The following IDNK variants were observed in gnomAD, a reference collection of about 807,000 sequenced individuals.
IDNK encodes the protein gluconokinase.
IDNK carries 9 observed loss-of-function variants against 13.0 expected under a neutral mutation model. The ratio of observed to expected loss-of-function variants is 0.69; its 90% CI spans 0.42 to 1.21. IDNK has a LOEUF of 1.21. Among genes scored for constraint, IDNK ranks in the 50% most tolerant of loss-of-function variants. The pLI is 0.00. For missense variants in IDNK, 210 were observed against 237.8 expected (o/e 0.88, Z 0.77); for synonymous variants, 92 against 94.9 (o/e 0.97, Z 0.18).
chr9:83,634,497 C>T (rs1416819431), intron 3 of IDNK, among the ~76,000 whole-genome samples: 1 of 152,172 alleles, frequency 6.6e-6, no homozygotes, highest in East Asian at 1.9e-4. Context: ...TTTCTTTGTA[C>T]ACAAGATAGA....
intron 3 of IDNK, among the ~76,000 whole-genome samples, chr9:83,635,092 T>A (rs1216508062): frequency 6.6e-6 from 1 of 152,080 alleles, no homozygotes; most frequent in Admixed American, 6.6e-5. Flanking sequence ...TGACAAGGGG[T>A]GCACCTTGGA....
chr9:83,632,180 A>G (rs999992070), intron 3 of IDNK, among the ~76,000 whole-genome samples: 2 of 147,074 alleles, frequency 1.4e-5, no homozygotes, highest in Admixed American at 6.7e-5. Flanking sequence ...TGCATCAGGT[A>G]AAACACACCC....
intron 3 of IDNK, among the ~76,000 whole-genome samples, chr9:83,633,640 A>C (rs1435689733): frequency 6.6e-6 from 1 of 152,228 alleles, no homozygotes; most frequent in Non-Finnish European, 1.5e-5. Flanking sequence ...TTCAACTGTT[A>C]AATCAACCAA....
intron 1 of IDNK, 178 bp downstream of exon 1, chr9:83,623,399 T>C (rs996011632): frequency 3.1e-6 from 2 of 636,286 alleles, no homozygotes; most frequent in Admixed American, 3.1e-5. Context: ...TCCAGCCTGC[T>C]CGCGGGGCGC....
chr9:83,628,647 T>C (rs1188266114), intron 2 of IDNK, among the ~76,000 whole-genome samples: 1 of 136,858 alleles, frequency 7.3e-6, no homozygotes, highest in Non-Finnish European at 1.6e-5. Context: ...TGAGACTACA[T>C]TTCAAAAAAA....
chr9:83,634,421 T>A (rs886795195), intron 3 of IDNK, among the ~76,000 whole-genome samples: 3 of 152,230 alleles, frequency 2.0e-5, no homozygotes, highest in African/African-American at 7.2e-5. Context: ...GCTTTATTAT[T>A]GACTAAAGCA....
chr9:83,623,330 C>A, intron 1 of IDNK, 109 bp downstream of exon 1: 1 of 1,043,830 alleles, frequency 9.6e-7, no homozygotes, highest in South Asian at 1.8e-5. Context: ...GGACCCCCCA[C>A]CCTTCCCTTT....
intron 1 of IDNK, among the ~76,000 whole-genome samples, chr9:83,624,223 T>G (rs751738825): frequency 6.6e-6 from 1 of 152,194 alleles, no homozygotes; most frequent in Non-Finnish European, 1.5e-5. Context: ...GTAAAATCAT[T>G]GCCATGGTGT....
chr9:83,626,720 T>G, intron 1 of IDNK: 1 of 1,262,464 alleles, frequency 7.9e-7, no homozygotes, highest in African/African-American at 1.5e-5. Flanking sequence ...TCAACCTAAC[T>G]TGGTCTTAAG....
Position 83,623,786 on chromosome 9 carries a change from G to T in IDNK, c.50+565G>T, listed in dbSNP as rs147428728. 7.8e-4 allele frequency among the ~76,000 whole-genome samples: 119 copies of T among 152,362 alleles called. 1 individual carries two copies. In the East Asian group the frequency reaches 0.018, roughly 23 times the overall value. Reference sequence around the variant, plus strand: ...TTAATATGGAGGGTGGCTCCTGAGGGTTTGGAAAGAAAGAAGAGAATTGTG... The same window carrying T: ...TTAATATGGAGGGTGGCTCCTGAGGTTTTGGAAAGAAAGAAGAGAATTGTG... On this transcript the variant is annotated intron_variant, in intron 1 of 4. Coordinates refer to ENST00000376419, the MANE Select transcript of IDNK (RefSeq NM_001001551.4).
At chr9:83,623,139 C>G, upstream of IDNK, 1 of 1,407,080 alleles carries the variant, frequency 7.1e-7, no homozygotes, top group Non-Finnish European at 9.2e-7. Context: ...CGGCGGGGCC[C>G]GGAAGGCGAC....
intron 3 of IDNK, among the ~76,000 whole-genome samples, chr9:83,640,943 G>GT (rs896020995): frequency 6.6e-5 from 10 of 152,026 alleles, no homozygotes; most frequent in Admixed American, 3.3e-4. Context: ...ATAATAGAAA[G>GT]TTTTTTTTGT....
At chr9:83,640,463 C>T (rs1470209097) in intron 3 of IDNK, among the ~76,000 whole-genome samples, 2 of 152,162 alleles carry the variant, frequency 1.3e-5, no homozygotes, top group Admixed American at 1.3e-4. Flanking sequence ...CTGGAATCAG[C>T]TTCAAAATAA....
chr9:83,640,563 C>T lies in IDNK; in HGVS notation c.169-985C>T, dbSNP rs138491899. Among the ~76,000 whole-genome samples the T allele has an allele frequency of 4.3e-3, 648 of 152,270 alleles. 11 individuals are homozygous for T. Among genetic ancestry groups the T allele is most frequent in the African/African-American group, 0.015 (617 of 41,548 alleles). ...TGGGTTGAAAATAGCTGAAGCCAGCCGGGTGCGGTGGCTCACACCTGTAAT... is the reference window on the plus strand; with the variant it reads ...TGGGTTGAAAATAGCTGAAGCCAGCTGGGTGCGGTGGCTCACACCTGTAAT... On this transcript the variant is annotated intron_variant, in intron 3 of 4. Coordinates refer to ENST00000376419, the MANE Select transcript of IDNK (RefSeq NM_001001551.4).
At position 83,643,579 on chromosome 9, in the gene IDNK, G is replaced by T; in HGVS notation, c.363G>T (p.Val121=). ...EAKQAEMQLL[V]VHLSGSFEVI... is the part of the protein sequence containing the mutation. Reference sequence around the variant, plus strand: ...AGCAGGCTGAGATGCAGCTCCTGGTGGTCCATCTGAGCGGGTCGTTTGAGG... The same window carrying T: ...AGCAGGCTGAGATGCAGCTCCTGGTTGTCCATCTGAGCGGGTCGTTTGAGG... The change falls in exon 5 of 5, where the codon GTG becomes GTT. Residue 121 remains valine (V), a synonymous_variant. Coordinates refer to ENST00000376419, the MANE Select transcript of IDNK (RefSeq NM_001001551.4). The T allele has an allele frequency of 6.2e-7, 1 of 1,613,918 alleles. No individual in the cohort carries two copies. Among genetic ancestry groups the T allele is most frequent in the South Asian group, 1.1e-5 (1 of 91,060 alleles).
chr9:83,631,411 TGCCTGGGCAACATA>T (rs1831008339), intron 3 of IDNK, among the ~76,000 whole-genome samples: 1 of 123,148 alleles, frequency 8.1e-6, no homozygotes, highest in Non-Finnish European at 1.6e-5. Context: ...GCTTGAGACC[TGCCTGGGCAACATA>T]GCAAGTCCCT....
At chr9:83,640,245 T>A (rs1401748887) in intron 3 of IDNK, among the ~76,000 whole-genome samples, 1 of 152,162 alleles carries the variant, frequency 6.6e-6, no homozygotes, top group Non-Finnish European at 1.5e-5. Context: ...ACATAATATA[T>A]TATATACAAG....
At position 83,623,153 on chromosome 9, in the gene IDNK, A is replaced by T; in HGVS notation, c.-19A>T. The T allele has an allele frequency of 7.1e-7, 1 of 1,412,894 alleles. No individual in the cohort carries two copies. The highest frequency in any genetic ancestry group is 9.2e-7 in the Non-Finnish European group (1 of 1,088,954). 87.5% of individuals were successfully genotyped at this position (1,412,894 alleles called of 1,614,324 possible). ...CCGGCGGGGCCCGGAAGGCGACGGG[A>T]AGGAGCCGAGCTTGGGTTATGGCGG... On this transcript the variant is annotated 5_prime_UTR_variant, in exon 1 of 5. Coordinates refer to ENST00000376419, the MANE Select transcript of IDNK (RefSeq NM_001001551.4).
At chr9:83,623,058 G>A, upstream of IDNK, 1 of 744,046 alleles carries the variant, frequency 1.3e-6, no homozygotes, top group Non-Finnish European at 1.9e-6. Context: ...AGGGCGCAGA[G>A]GGGCACGGCC....
Sources: gnomAD v4.1 joint callset for allele counts (sites outside exome capture counted in the v4.1 genomes callset) on GRCh38, gnomAD v4.1.1 for gene constraint, MANE v1.5 for transcripts, NCBI Gene and HGNC (gene_info 2026-07-23, HGNC 2026-07-21) for gene names.